Variants in KCNK2 observed in about 807,000 individuals in gnomAD.
KCNK2 encodes potassium channel subfamily K member 2.
In KCNK2, 21 loss-of-function variants were observed where a neutral mutation model predicts 40.5. The ratio of observed to expected loss-of-function variants is 0.52; its 90% CI spans 0.37 to 0.75. KCNK2 has a LOEUF of 0.75. Among genes scored for constraint, KCNK2 ranks in the 30% least tolerant of loss-of-function variants. KCNK2 has a pLI of 0.00. For missense variants in KCNK2, 399 were observed against 531.6 expected, an observed-to-expected ratio of 0.75 and a Z score of 2.45; for synonymous variants, 191 against 202.2, an observed-to-expected ratio of 0.94 and a Z score of 0.47.
intron 4 of KCNK2, among the ~76,000 whole-genome samples, chr1:215,170,578 G>A (rs996890735): frequency 6.6e-6 from 1 of 152,040 alleles, no homozygotes; most frequent in African/African-American, 2.4e-5. Context: ...ATCGAGTATT[G>A]TTTTCTCAAT....
At chr1:215,143,836 G>T (rs1017983664) in intron 3 of KCNK2, among the ~76,000 whole-genome samples, 2 of 152,116 alleles carry the variant, frequency 1.3e-5, no homozygotes, top group African/African-American at 2.4e-5. Flanking sequence ...ATGGTTTAGG[G>T]ACTTAGTTCT....
chr1:215,209,488 CAT>C (rs1491265622), intron 6 of KCNK2, among the ~76,000 whole-genome samples: 7 of 15,894 alleles, frequency 4.4e-4, no homozygotes, highest in African/African-American at 8.9e-4. Context: ...ATATATAATA[CAT>C]ATATATAATA....
At chr1:215,182,139 A>T (rs989134452) in intron 5 of KCNK2, among the ~76,000 whole-genome samples, 3 of 152,042 alleles carry the variant, frequency 2.0e-5, no homozygotes, top group African/African-American at 7.2e-5. Flanking sequence ...TCTTCAAAGG[A>T]GGGGTGGGAT....
chr1:215,048,382 G>A (rs1378912979), intron 1 of KCNK2, among the ~76,000 whole-genome samples: 2 of 152,132 alleles, frequency 1.3e-5, no homozygotes, highest in Admixed American at 1.3e-4. Context: ...GAGAACTCCA[G>A]TGGTGTGAGA....
At chr1:215,050,597 G>A (rs928777953) in intron 1 of KCNK2, among the ~76,000 whole-genome samples, 6 of 152,154 alleles carry the variant, frequency 3.9e-5, no homozygotes, top group Admixed American at 3.9e-4. Flanking sequence ...TGATGTACCA[G>A]ATAGTGATTC....
At chr1:215,158,032 C>T (rs1663007817) in intron 3 of KCNK2, among the ~76,000 whole-genome samples, 1 of 152,140 alleles carries the variant, frequency 6.6e-6, no homozygotes, top group African/African-American at 2.4e-5. Context: ...CTTTTTGGTG[C>T]CATGGGGAGT....
chr1:215,170,251 C>T (rs1161839630), intron 4 of KCNK2, among the ~76,000 whole-genome samples: 1 of 152,070 alleles, frequency 6.6e-6, no homozygotes, highest in African/African-American at 2.4e-5. Context: ...AGGAATGTAT[C>T]TACACAATGT....
intron 6 of KCNK2, among the ~76,000 whole-genome samples, chr1:215,199,961 G>C (rs1665016056): frequency 6.6e-6 from 1 of 152,068 alleles, no homozygotes; most frequent in Admixed American, 6.6e-5. Context: ...CCGGTGTTTG[G>C]GTGTTCCTGT....
rs115011918 is a variant in KCNK2, at chr1:215,220,702, G to A, written c.964-14126G>A. On this transcript the variant is annotated intron_variant, in intron 6 of 6. Transcript: ENST00000444842. ...ATTGCTGCAGTGAACATAAAATGCCGTTTTGTTATAAATAAATACTATTAA... is the reference window on the plus strand; with the variant it reads ...ATTGCTGCAGTGAACATAAAATGCCATTTTGTTATAAATAAATACTATTAA... 1.5e-3 allele frequency among the ~76,000 whole-genome samples: 226 copies of A among 152,262 alleles called. 1 individual carries two copies. The highest frequency in any genetic ancestry group is 4.9e-3 in the African/African-American group (203 of 41,556).
chr1:215,088,927 T>C (rs1659575104), intron 2 of KCNK2, among the ~76,000 whole-genome samples: 1 of 152,246 alleles, frequency 6.6e-6, no homozygotes, highest in South Asian at 2.1e-4. Flanking sequence ...TTACCTTTTA[T>C]TTACTCTTAC....
At chr1:215,013,678 G>A (rs1400521579) in intron 1 of KCNK2, among the ~76,000 whole-genome samples, 2 of 151,846 alleles carry the variant, frequency 1.3e-5, no homozygotes, top group Non-Finnish European at 2.9e-5. Context: ...TCATTTTTAG[G>A]GCCATTATAA....
At chr1:215,228,925 T>G (rs1666506338) in intron 6 of KCNK2, among the ~76,000 whole-genome samples, 1 of 152,152 alleles carries the variant, frequency 6.6e-6, no homozygotes, top group East Asian at 1.9e-4. Context: ...TATGTGTTAC[T>G]TGGTGAATAA....
intron 6 of KCNK2, among the ~76,000 whole-genome samples, chr1:215,209,231 A>T (rs1354914775): frequency 1.6e-5 from 2 of 128,264 alleles, no homozygotes; most frequent in African/African-American, 6.1e-5. Context: ...TTATATATAA[A>T]ATATATATAA....
chr1:215,093,262 G>T (rs1659769523), intron 2 of KCNK2, among the ~76,000 whole-genome samples: 2 of 149,600 alleles, frequency 1.3e-5, no homozygotes, highest in Non-Finnish European at 3.0e-5. Context: ...ACTCTATGCT[G>T]CCAGACCTCC....
chr1:215,088,617 T>G (rs909500395), intron 2 of KCNK2, among the ~76,000 whole-genome samples: 1 of 150,698 alleles, frequency 6.6e-6, no homozygotes, highest in Non-Finnish European at 1.5e-5. Context: ...AGGACAACAC[T>G]GGAAGAAATT....
intron 1 of KCNK2, among the ~76,000 whole-genome samples, chr1:215,036,087 TA>T (rs1396022570): frequency 6.6e-6 from 1 of 151,634 alleles, no homozygotes; most frequent in African/African-American, 2.4e-5. Flanking sequence ...GTTAACTGTG[TA>T]AAAAAATCTT....
At chr1:215,172,273 G>A in intron 5 of KCNK2, 90 bp downstream of exon 5, 1 of 1,192,338 alleles carries the variant, frequency 8.4e-7, no homozygotes, top group Non-Finnish European at 1.2e-6. Flanking sequence ...CACAAGGGCT[G>A]TATGAGTTTT....
At chr1:215,192,358 C>T (rs1311159388) in intron 5 of KCNK2, among the ~76,000 whole-genome samples, 2 of 152,114 alleles carry the variant, frequency 1.3e-5, no homozygotes, top group Non-Finnish European at 2.9e-5. Context: ...GGCTTAGACT[C>T]CACTAAAACT....
At chr1:215,043,512 A>G (rs921684705) in intron 1 of KCNK2, among the ~76,000 whole-genome samples, 13 of 152,244 alleles carry the variant, frequency 8.5e-5, no homozygotes, top group African/African-American at 3.1e-4. Context: ...GATGAATCAT[A>G]AGAACATTAC....
Sources: gnomAD v4.1 joint callset for allele counts (sites outside exome capture counted in the v4.1 genomes callset) on GRCh38, gnomAD v4.1.1 for gene constraint, MANE v1.5 for transcripts, NCBI Gene and HGNC (gene_info 2026-07-23, HGNC 2026-07-21) for gene names.